The following PCDH15 variants were observed in gnomAD, a reference collection of about 807,000 sequenced individuals.
PCDH15 encodes the protein protocadherin related 15.
PCDH15 carries 129 observed loss-of-function variants against 178.5 expected under a neutral mutation model. The observed-to-expected ratio is 0.72, with a 90% CI of 0.63 to 0.84. The LOEUF (loss-of-function observed/expected upper bound fraction) is 0.84, where lower values mean the gene tolerates loss of function less well. PCDH15 is among the 40% of genes least tolerant of loss of function. The pLI is 0.00. For synonymous variants in PCDH15, 800 were observed against 732.0 expected (o/e 1.09, Z -1.50); for missense variants, 2,230 against 2,099.9 (o/e 1.06, Z -1.21).
intron 1 of PCDH15, among the ~76,000 whole-genome samples, chr10:54,693,067 G>T (rs1030173617): frequency 5.3e-5 from 8 of 151,570 alleles, no homozygotes; most frequent in African/African-American, 1.9e-4. Flanking sequence ...CGTGTGTATT[G>T]TTCCCCTCTC....
intron 2 of PCDH15, among the ~76,000 whole-genome samples, chr10:55,622,190 T>TATATATAATA (rs1564488674): frequency 1.4e-5 from 2 of 143,124 alleles, no homozygotes; most frequent in Non-Finnish European, 3.0e-5. Flanking sequence ...TATATACATT[T>TATATATAATA]TATGTAGACA....
At chr10:54,117,726 G>A (rs1389274287) in intron 15 of PCDH15, among the ~76,000 whole-genome samples, 1 of 152,120 alleles carries the variant, frequency 6.6e-6, no homozygotes, top group Non-Finnish European at 1.5e-5. Flanking sequence ...GTGGAGAGGA[G>A]ATCCACAGTG....
intron 1 of PCDH15, among the ~76,000 whole-genome samples, chr10:54,756,895 T>C (rs533493614): frequency 2.0e-5 from 3 of 152,334 alleles, no homozygotes; most frequent in East Asian, 1.9e-4. Flanking sequence ...GCAATTTATG[T>C]CAATAAAAAT....
Position 54,250,898 on chromosome 10 carries a change from T to A in PCDH15, c.877-13967A>T, listed in dbSNP as rs560232371. Among the ~76,000 whole-genome samples the A allele has an allele frequency of 3.3e-5, 5 of 152,328 alleles. No homozygotes were observed. The South Asian group carries it at 1.0e-3, about 32-fold the overall frequency. ...TTTCCTTGTAAATAAAATTTGAGGG[T>A]TGAAAACCAACATGTATACTTTTTG... On this transcript the variant is annotated intron_variant, in intron 8 of 37. Coordinates refer to ENST00000644397, the MANE Select transcript of PCDH15 (RefSeq NM_001384140.1).
At chr10:54,120,018 A>C (rs11497830) in intron 15 of PCDH15, among the ~76,000 whole-genome samples, 2,387 of 152,194 alleles carry the variant, frequency 0.016, 64 homozygotes, top group African/African-American at 0.053. Flanking sequence ...CAGATAGAGA[A>C]AAAGGAAAGA....
At chr10:53,856,694 AT>A (rs1400559791) in intron 28 of PCDH15, among the ~76,000 whole-genome samples, 1 of 152,074 alleles carries the variant, frequency 6.6e-6, no homozygotes, top group African/African-American at 2.4e-5. Context: ...CTCACATCTA[AT>A]TTTTATCCTT....
chr10:54,441,692 G>C (rs1432181841), intron 3 of PCDH15, among the ~76,000 whole-genome samples: 2 of 151,876 alleles, frequency 1.3e-5, no homozygotes, highest in African/African-American at 4.8e-5. Context: ...GAAATCCGTA[G>C]CTTAACAAAG....
At chr10:55,329,860 A>G (rs748075213) in intron 2 of PCDH15, among the ~76,000 whole-genome samples, 3 of 151,768 alleles carry the variant, frequency 2.0e-5, no homozygotes, top group Non-Finnish European at 4.4e-5. Context: ...AGGTATTAAC[A>G]CCTTCCCAAG....
intron 1 of PCDH15, among the ~76,000 whole-genome samples, chr10:54,726,822 T>C (rs537031208): frequency 6.6e-6 from 1 of 150,682 alleles, no homozygotes; most frequent in African/African-American, 2.4e-5. Context: ...TAAGACTGGT[T>C]CTTCAGGTCA....
intron 2 of PCDH15, among the ~76,000 whole-genome samples, chr10:54,923,294 G>A (rs1837540869): frequency 7.2e-6 from 1 of 138,368 alleles, no homozygotes; most frequent in Non-Finnish European, 1.7e-5. Context: ...TTTCTCCAAG[G>A]CCTCCAGGCC....
intron 8 of PCDH15, among the ~76,000 whole-genome samples, chr10:54,301,805 C>A (rs1044228337): frequency 6.6e-6 from 1 of 152,164 alleles, no homozygotes; most frequent in Non-Finnish European, 1.5e-5. Flanking sequence ...GGGGAGAATT[C>A]ATTGCCTCAA....
chr10:54,256,202 C>T (rs1055385846), intron 8 of PCDH15, among the ~76,000 whole-genome samples: 1 of 152,074 alleles, frequency 6.6e-6, no homozygotes, highest in Non-Finnish European at 1.5e-5. Flanking sequence ...GAAGAAGTTG[C>T]CTCTGGAGAA....
At chr10:54,329,511 C>T in intron 7 of PCDH15, 85 bp downstream of exon 7, 3 of 979,044 alleles carry the variant, frequency 3.1e-6, no homozygotes, top group Non-Finnish European at 3.3e-6. Context: ...TGGCACAGAG[C>T]TCTCCAAGAG....
At chr10:54,711,041 C>G (rs1231242344) in intron 1 of PCDH15, among the ~76,000 whole-genome samples, 1 of 151,978 alleles carries the variant, frequency 6.6e-6, no homozygotes, top group East Asian at 1.9e-4. Flanking sequence ...TGGCAACACT[C>G]TATTTAGCAA....
chr10:55,418,521 G>A (rs1193771144), intron 2 of PCDH15, among the ~76,000 whole-genome samples: 1 of 151,694 alleles, frequency 6.6e-6, no homozygotes, highest in Non-Finnish European at 1.5e-5. Context: ...AGAAAACAGC[G>A]AGTGTAAGAA....
chr10:54,766,687 T>C (rs996134546), intron 1 of PCDH15, among the ~76,000 whole-genome samples: 1 of 152,098 alleles, frequency 6.6e-6, no homozygotes, highest in Non-Finnish European at 1.5e-5. Flanking sequence ...CTGAGTACTT[T>C]GGGAGGCTGA....
rs573132345 is a variant in PCDH15 at position 55,438,551 on chromosome 10, T to C, written c.-156+189074A>G. 3.4e-4 allele frequency among the ~76,000 whole-genome samples: 52 copies of C among 152,130 alleles called. No homozygotes were observed. In the South Asian group the frequency reaches 0.01, roughly 30 times the overall value. ...AAGAAAATTGCCACCAATAGTTTTT[T>C]CCTCTACAAATAAGCCAACAATAAA... is the stretch of plus-strand genomic sequence containing the variant. On this transcript the variant is annotated intron_variant, in intron 2 of 5. Transcript: ENST00000613346.
intron 1 of PCDH15, among the ~76,000 whole-genome samples, chr10:54,686,844 A>C (rs1224929945): frequency 1.3e-5 from 2 of 152,158 alleles, no homozygotes; most frequent in Non-Finnish European, 2.9e-5. Context: ...TTTTGCCTTA[A>C]CAGAATGGGA....
intron 3 of PCDH15, among the ~76,000 whole-genome samples, chr10:54,426,758 T>C (rs893549149): frequency 1.3e-5 from 2 of 152,178 alleles, no homozygotes; most frequent in Non-Finnish European, 2.9e-5. Context: ...TCTCTAGCCC[T>C]GGAAGATAGC....
Sources: gnomAD v4.1 joint callset for allele counts (sites outside exome capture counted in the v4.1 genomes callset) on GRCh38, gnomAD v4.1.1 for gene constraint, MANE v1.5 for transcripts, NCBI Gene and HGNC (gene_info 2026-07-23, HGNC 2026-07-21) for gene names.